Variants in GSG1L observed in about 807,000 individuals in gnomAD.
The protein encoded by GSG1L is GSG1 like, also known as germ cell-specific gene 1-like protein.
Under a neutral mutation model 42.1 loss-of-function variants are expected in GSG1L, and 24 were observed. The ratio of observed to expected loss-of-function variants is 0.57; its 90% CI spans 0.41 to 0.80. The LOEUF is 0.80. Among genes scored for constraint, GSG1L ranks in the 30% least tolerant of loss-of-function variants. The pLI, the probability that GSG1L is intolerant of heterozygous loss-of-function variation, is 0.00. For missense variants in GSG1L, 445 were observed against 472.2 expected (o/e 0.94, Z 0.53); for synonymous variants, 215 against 203.5 (o/e 1.06, Z -0.48).
intron 2 of GSG1L, among the ~76,000 whole-genome samples, chr16:27,933,756 G>C (rs1419541244): frequency 6.6e-6 from 1 of 151,092 alleles, no homozygotes; most frequent in Non-Finnish European, 1.5e-5. Flanking sequence ...AAGAAAATTT[G>C]CCACTATCTT....
intron 5 of GSG1L, among the ~76,000 whole-genome samples, chr16:27,814,309 A>G (rs535966979): frequency 6.6e-6 from 1 of 152,046 alleles, no homozygotes. Flanking sequence ...ACAGGGTCTC[A>G]CTATATTGCC....
At chr16:27,948,609 CTTTTTTTT>C (rs202151239) in intron 2 of GSG1L, among the ~76,000 whole-genome samples, 4 of 116,610 alleles carry the variant, frequency 3.4e-5, no homozygotes, top group African/African-American at 1.3e-4. Context: ...TCTTCTTCTT[CTTTTTTTT>C]TTTTTTTTTT....
rs75626864 is a variant in GSG1L, at chr16:28,005,624, G to C, written c.350-42421C>G. Among the ~76,000 whole-genome samples, 4 of 151,942 alleles carry C rather than the reference G, an allele frequency of 2.6e-5. No individual in the cohort carries two copies. The South Asian group carries it at 6.3e-4, about 24-fold the overall frequency. On this transcript the variant is annotated intron_variant, in intron 1 of 6. Coordinates refer to ENST00000447459, the MANE Select transcript of GSG1L (RefSeq NM_001109763.2). ...AGGAGTTCAACGTATGAATGGTGGG[G>C]GGGGAGGGGCATAATTCAACCTGTC...
chr16:27,974,124 C>T (rs941703945), intron 1 of GSG1L, among the ~76,000 whole-genome samples: 2 of 152,122 alleles, frequency 1.3e-5, no homozygotes, highest in African/African-American at 4.8e-5. Flanking sequence ...TTCCCAGAGG[C>T]CCACTGGAGG....
At chr16:28,060,115 A>C (rs566227682) in intron 1 of GSG1L, among the ~76,000 whole-genome samples, 1 of 152,086 alleles carries the variant, frequency 6.6e-6, no homozygotes, top group Non-Finnish European at 1.5e-5. Context: ...GAAGGAAAGA[A>C]AGCTTTGCTG....
intron 2 of GSG1L, chr16:27,888,152 G>A: frequency 1.0e-6 from 1 of 985,326 alleles, no homozygotes; most frequent in Non-Finnish European, 1.2e-6. Context: ...CACTGACTCA[G>A]CTGCCTCCCC....
rs1359027554 is a variant in GSG1L at position 27,789,628 on chromosome 16, CT to C, written c.*1741del. Reference sequence around the variant, plus strand: ...GGAGGAATGGATAATGGATAAATAGCTAACGAATGGGTGGATGGATGATGAA... The same window carrying C: ...GGAGGAATGGATAATGGATAAATAGCAACGAATGGGTGGATGGATGATGAA... On this transcript the variant is annotated 3_prime_UTR_variant, in exon 7 of 7. Transcript: ENST00000447459. 6.7e-6 allele frequency: 1 copy of C among 149,232 alleles called. No individual in the cohort carries two copies. The highest frequency in any genetic ancestry group is 1.5e-5 in the Non-Finnish European group (1 of 67,424). The allele number at this position is 149,232 out of a possible 1,614,324, so 9.2% of individuals were successfully genotyped here.
chr16:27,791,604 C>T (rs1031862579), intron 6 of GSG1L, 137 bp from the exon 7 acceptor site: 7 of 490,470 alleles, frequency 1.4e-5, no homozygotes, highest in East Asian at 7.0e-5. Context: ...TTTTGTCTAC[C>T]GATCCATGCC....
At chr16:27,935,898 A>T (rs574357261) in intron 2 of GSG1L, among the ~76,000 whole-genome samples, 166 of 147,748 alleles carry the variant, frequency 1.1e-3, no homozygotes, top group Middle Eastern at 3.4e-3. Flanking sequence ...CTCAGCCTGC[A>T]GGATGCATCA....
At chr16:28,061,731 A>G (rs1040962488) in intron 1 of GSG1L, among the ~76,000 whole-genome samples, 2 of 152,162 alleles carry the variant, frequency 1.3e-5, no homozygotes, top group African/African-American at 4.8e-5. Flanking sequence ...AGGGAGATAA[A>G]CGCAGTGGTG....
At chr16:28,009,215 C>G (rs1454764394) in intron 1 of GSG1L, among the ~76,000 whole-genome samples, 1 of 152,194 alleles carries the variant, frequency 6.6e-6, no homozygotes, top group African/African-American at 2.4e-5. Context: ...TCATTGTGCT[C>G]CAGACCCTGT....
intron 4 of GSG1L, among the ~76,000 whole-genome samples, chr16:27,836,629 T>G (rs2083323937): frequency 6.6e-6 from 1 of 152,210 alleles, no homozygotes; most frequent in Admixed American, 6.5e-5. Flanking sequence ...GTCCCTTCCA[T>G]TCTGCTGTTG....
At chr16:27,974,534 C>T (rs1245479934) in intron 1 of GSG1L, among the ~76,000 whole-genome samples, 1 of 152,180 alleles carries the variant, frequency 6.6e-6, no homozygotes, top group Non-Finnish European at 1.5e-5. Flanking sequence ...ACTGGGTCTA[C>T]AGGAATAAAT....
Position 27,920,833 on chromosome 16 carries a change from C to A in GSG1L, c.398-36195G>T, listed in dbSNP as rs189919306. 4.7e-3 allele frequency among the ~76,000 whole-genome samples: 720 copies of A among 152,280 alleles called. 4 individuals carry two copies. Among genetic ancestry groups the A allele is most frequent in the South Asian group, 7.7e-3 (37 of 4,828 alleles). ...TCCAGACAGGGCTGAGCAGAGGCAA[C>A]CAGGCAGGGACAGGCTTCACGGCTG... On this transcript the variant is annotated intron_variant, in intron 2 of 6. Transcript: ENST00000447459.
At position 27,877,127 on chromosome 16, in the gene GSG1L, A is replaced by C. The variant is rs1469683340; in HGVS notation, c.550+7359T>G. Among the ~76,000 whole-genome samples the C allele has an allele frequency of 1.3e-5, 2 of 152,170 alleles. 1 individual carries two copies. Among genetic ancestry groups the C allele is most frequent in the African/African-American group, 4.8e-5 (2 of 41,454 alleles). ...CCTTTCTGGATCTAAGCCCCTGACCACTGGGGAGCAAGAGGGTGGCAGAGC... is the reference window on the plus strand; with the variant it reads ...CCTTTCTGGATCTAAGCCCCTGACCCCTGGGGAGCAAGAGGGTGGCAGAGC... On this transcript the variant is annotated intron_variant, in intron 3 of 6. Transcript: ENST00000447459.
At chr16:27,918,145 C>T (rs2084480218) in intron 2 of GSG1L, among the ~76,000 whole-genome samples, 1 of 152,134 alleles carries the variant, frequency 6.6e-6, no homozygotes, top group African/African-American at 2.4e-5. Flanking sequence ...TATTGCATAA[C>T]CTCTGATTTG....
chr16:28,021,976 T>C (rs1398659670), intron 1 of GSG1L, among the ~76,000 whole-genome samples: 2 of 152,212 alleles, frequency 1.3e-5, no homozygotes, highest in African/African-American at 4.8e-5. Flanking sequence ...GAAGTTGCAA[T>C]GCCTTTTGTG....
intron 4 of GSG1L, among the ~76,000 whole-genome samples, chr16:27,842,169 C>T (rs1376217603): frequency 2.8e-5 from 4 of 141,712 alleles, no homozygotes; most frequent in Non-Finnish European, 4.8e-5. Flanking sequence ...ACCAGTAGCA[C>T]GATGTCGCGC....
chr16:27,884,634 G>C lies in GSG1L; in HGVS notation c.402C>G (p.Val134=). 1 of 1,581,428 alleles carries C rather than the reference G, an allele frequency of 6.3e-7. No homozygotes were observed. The change falls in exon 3 of 7, where the codon GTC becomes GTG. Residue 134 remains valine, a synonymous_variant. Coordinates refer to ENST00000447459, the MANE Select transcript of GSG1L (RefSeq NM_001109763.2). The surrounding 1 kb of genome is among the most constrained non-coding windows in gnomAD (Gnocchi z 4.4). ...CCTCGGAGACCACAGACAGCCACAG[G>C]ACCCCTGTCCAACAGAGGCAGAGAG... ...IDLAPASEKG[V]LWLSVVSEVL... is the part of the protein sequence containing the mutation.
Sources: gnomAD v4.1 joint callset for allele counts (sites outside exome capture counted in the v4.1 genomes callset) on GRCh38, gnomAD v4.1.1 for gene constraint, Gnocchi (gnomAD v3.1) non-coding constraint, MANE v1.5 for transcripts, NCBI Gene and HGNC (gene_info 2026-07-23, HGNC 2026-07-21) for gene names.